OR2J2: variants seen among roughly 807,000 people sequenced by gnomAD.
The protein encoded by OR2J2 is olfactory receptor family 2 subfamily J member 2.
OR2J2 carries 13 observed loss-of-function variants against 16.9 expected under a neutral mutation model. That is an observed-to-expected ratio of 0.77 (90% confidence interval 0.50 to 1.23). The LOEUF is 1.23. OR2J2 is among the 50% of genes most tolerant of loss of function. The pLI, the probability that OR2J2 is intolerant of heterozygous loss-of-function variation, is 0.00. For missense variants in OR2J2, 341 were observed against 379.1 expected, an observed-to-expected ratio of 0.90 and a Z score of 0.84; for synonymous variants, 125 against 141.2, an observed-to-expected ratio of 0.89 and a Z score of 0.81.
At chr6:29,173,521 A>G in intron 1 of OR2J2, 98 bp from the exon 2 acceptor site, 3 of 737,224 alleles carry the variant, frequency 4.1e-6, no homozygotes, top group Non-Finnish European at 6.8e-6. Context: ...TATGGTGCAC[A>G]CTCTCTGGAA....
In OR2J2 at chr6:29,173,995, A is replaced by G. The variant is rs3129158; in HGVS notation, c.360A>G (p.Ser120=). The G allele has an allele frequency of 0.84, 1,347,799 of 1,611,742 alleles. 566,615 individuals carry two copies. The highest frequency in any genetic ancestry group is 0.85 in the Non-Finnish European group (1,005,275 of 1,179,522). The change falls in exon 2 of 2, where the codon TCA becomes TCG. Residue 120 remains serine, a synonymous_variant. Transcript: ENST00000641417. ...AGTGTGTCCTACTGGTGGTGATGTC[A>G]TATGATCGTTATGTAGCTGTGTGTA... ...ITECVLLVVM[S]YDRYVAVCRP...
chr6:29,171,051 G>A lies in OR2J2; in HGVS notation c.-72G>A, dbSNP rs763154055. The A allele has an allele frequency of 3.3e-5, 5 of 152,100 alleles. No homozygotes were observed. Among genetic ancestry groups the A allele is most frequent in the Non-Finnish European group, 5.9e-5 (4 of 68,022 alleles). 9.4% of individuals were successfully genotyped at this position (152,100 alleles called of 1,614,324 possible). A position where few individuals can be genotyped will look rare whatever the true frequency, so the allele number is the denominator to read the frequency against. ...AGAGCCCCTTCATCAGTTTATACCTGATGAGGTTGTAGGCCAGGTAGAGAG... is the reference window on the plus strand; with the variant it reads ...AGAGCCCCTTCATCAGTTTATACCTAATGAGGTTGTAGGCCAGGTAGAGAG... On this transcript the variant is annotated 5_prime_UTR_variant, in exon 1 of 2. Transcript: ENST00000641417.
Position 29,174,022 on chromosome 6 carries a change from A to T in OR2J2, c.387A>T (p.Arg129Ser). 1.2e-6 allele frequency: 2 copies of T among 1,612,034 alleles called. No homozygotes were observed. The highest frequency in any genetic ancestry group is 1.7e-6 in the Non-Finnish European group (2 of 1,179,452). ...ATGATCGTTATGTAGCTGTGTGTAG[A>T]CCTTTGCATTACACTGTCCTCATGC... ...MSYDRYVAVCRPLHYTVLMHP... is the reference protein window; with the variant it reads ...MSYDRYVAVCSPLHYTVLMHP... Residue 129 changes from arginine (R) to serine (S), a missense_variant, in exon 2 of 2, where the codon AGA (arginine) becomes AGT (serine). Transcript: ENST00000641417.
intron 1 of OR2J2, among the ~76,000 whole-genome samples, chr6:29,173,007 C>A (rs1384714948): frequency 6.6e-6 from 1 of 152,086 alleles, no homozygotes; most frequent in East Asian, 1.9e-4. Context: ...CTCTATTTTG[C>A]TGTATTAATC....
chr6:29,173,648 A>G lies in OR2J2; in HGVS notation c.13A>G (p.Lys5Glu), dbSNP rs1441455181. 6.3e-7 allele frequency: 1 copy of G among 1,598,920 alleles called. No homozygotes were observed. Among genetic ancestry groups the G allele is most frequent in the Non-Finnish European group, 8.5e-7 (1 of 1,174,262 alleles). Residue 5 changes from lysine (K) to glutamate (E), a missense_variant, in exon 2 of 2, where the codon AAA becomes GAA. Lys to Glu is a moderately conservative substitution (Grantham distance 56). Coordinates refer to ENST00000641417, the MANE Select transcript of OR2J2 (RefSeq NM_030905.3). MMIK[K>E]NASSEDFFIL... ...AAGAAAAAGATGAATGATGATTAAA[A>G]AAAATGCAAGTTCGGAAGACTTCTT...
rs189071939 is a variant in OR2J2 at position 29,171,621 on chromosome 6, G to A, written c.-18+516G>A. Among the ~76,000 whole-genome samples, 33 of 151,812 alleles carry A rather than the reference G, an allele frequency of 2.2e-4. 1 individual carries two copies. Among genetic ancestry groups the A allele is most frequent in the Admixed American group, 1.5e-3 (23 of 15,200 alleles). ...ATTTCCTATCCCTTTTATCAACTCC[G>A]GAGGAATGCTGAAAGATGGGTCATA... On this transcript the variant is annotated intron_variant, in intron 1 of 1. Transcript: ENST00000641417.
Position 29,173,788 on chromosome 6 carries a change from C to G in OR2J2, c.153C>G (p.Tyr51Ter). Residue 51 changes from tyrosine to a stop codon, truncating the protein, a stop_gained, in exon 2 of 2, where the codon TAC (tyrosine) becomes TAG (stop). Coordinates refer to ENST00000641417, the MANE Select transcript of OR2J2 (RefSeq NM_030905.3). LOFTEE classifies it high-confidence loss of function. The stretch of plus-strand genomic sequence containing the variant: ...ACCTGTTCATCATCATCCTGTCATA[C>G]GTGGACTCCCATCTCCACACACCAA... ...TGNLFIIILSYVDSHLHTPMY... is the reference protein window; with the variant it reads ...TGNLFIIILS 1 of 1,613,666 alleles carries G rather than the reference C, an allele frequency of 6.2e-7. No individual in the cohort carries two copies. Among genetic ancestry groups the G allele is most frequent in the Non-Finnish European group, 8.5e-7 (1 of 1,179,922 alleles).
rs1765643179 is a variant in OR2J2 at position 29,173,863 on chromosome 6, C to G, written c.228C>G (p.Thr76=). Residue 76 remains threonine, a synonymous_variant, in exon 2 of 2, where the codon ACC becomes ACG. Transcript: ENST00000641417. ...CATTTCTGGATCTCTGCTACACCAC[C>G]AGCTCTATCCCTCAGTTGCTGGTGA... The part of the protein sequence containing the change: ...NLSFLDLCYT[T]SSIPQLLVNL... 1 of 1,612,526 alleles carries G rather than the reference C, an allele frequency of 6.2e-7. No individual in the cohort carries two copies. The highest frequency in any genetic ancestry group is 8.5e-7 in the Non-Finnish European group (1 of 1,179,628).
chr6:29,172,099 C>T (rs1765522963), intron 1 of OR2J2, among the ~76,000 whole-genome samples: 1 of 152,108 alleles, frequency 6.6e-6, no homozygotes, highest in African/African-American at 2.4e-5. Context: ...GTCACCCAGG[C>T]TGGAGGGCAA....
intron 1 of OR2J2, among the ~76,000 whole-genome samples, chr6:29,171,528 T>C (rs1230233724): frequency 1.3e-5 from 2 of 152,070 alleles, no homozygotes; most frequent in Admixed American, 6.6e-5. Context: ...TTTCCCTCTT[T>C]TCCACCAAGA....
At position 29,173,908 on chromosome 6, in the gene OR2J2, G is replaced by A. The variant is rs772924943; in HGVS notation, c.273G>A (p.Lys91=). Residue 91 remains lysine, a synonymous_variant, in exon 2 of 2, where the codon AAG becomes AAA. Transcript: ENST00000641417. ...QLLVNLRGPE[K]TISYAGCMVQ... ...TGGTGAATCTCCGGGGCCCGGAAAA[G>A]ACCATCTCGTATGCTGGTTGCATGG... 4.3e-6 allele frequency: 7 copies of A among 1,611,866 alleles called. No individual in the cohort carries two copies. Among genetic ancestry groups the A allele is most frequent in the African/African-American group, 1.3e-5 (1 of 74,216 alleles).
In OR2J2 at chr6:29,174,693, TTCAGTCTCACA is replaced by T. The variant is rs1381597710; in HGVS notation, c.*121_*131del. ...TCTAACAGCTCACAAAACAGAATAG[TTCAGTCTCACA>T]TTTGTTGCTCTTTTTATTATTTAGT... On this transcript the variant is annotated 3_prime_UTR_variant, in exon 2 of 2. Transcript: ENST00000641417. 3 of 722,812 alleles carry T rather than the reference TTCAGTCTCACA, an allele frequency of 4.2e-6. No individual in the cohort carries two copies. The African/African-American group carries it at 5.4e-5, about 13-fold the overall frequency. The allele number at this position is 722,812 out of a possible 1,614,324, so 44.8% of individuals were successfully genotyped here.
Position 29,174,848 on chromosome 6 carries a change from C to A in OR2J2, c.*274C>A. ...GTTTCAACGTAAATAAATGTGCATG[C>A]GAATAGTTATGAGGAGATTATTTCA... On this transcript the variant is annotated 3_prime_UTR_variant, in exon 2 of 2. Coordinates refer to ENST00000641417, the MANE Select transcript of OR2J2 (RefSeq NM_030905.3). 2.6e-6 allele frequency: 1 copy of A among 386,020 alleles called. No homozygotes were observed. 23.9% of individuals were successfully genotyped at this position (386,020 alleles called of 1,614,324 possible).
At chr6:29,173,485 G>C (rs780725104) in intron 1 of OR2J2, 134 bp from the exon 2 acceptor site, 1 of 594,700 alleles carries the variant, frequency 1.7e-6, no homozygotes, top group South Asian at 2.4e-5. Flanking sequence ...CATATAAAGG[G>C]AACTGTATAA....
rs748229536 is a variant in OR2J2 at position 29,174,147 on chromosome 6, G to A, written c.512G>A (p.Gly171Glu). Residue 171 changes from glycine to glutamate, a missense_variant, in exon 2 of 2, where the codon GGA becomes GAA. Coordinates refer to ENST00000641417, the MANE Select transcript of OR2J2 (RefSeq NM_030905.3). ...TTTACTTTCTGGGTACCCCTTTGTGGACATCGCCTAGTGGATCACTTCTTC... is the reference window on the plus strand; with the variant it reads ...TTTACTTTCTGGGTACCCCTTTGTGAACATCGCCTAGTGGATCACTTCTTC... ...SSFTFWVPLC[G>E]HRLVDHFFCE... The A allele has an allele frequency of 6.2e-7, 1 of 1,613,396 alleles. No individual in the cohort carries two copies. Among genetic ancestry groups the A allele is most frequent in the South Asian group, 1.1e-5 (1 of 91,020 alleles).
rs769444526 is a variant in OR2J2, at chr6:29,174,152, C to T, written c.517C>T (p.Arg173Cys). The T allele has an allele frequency of 1.2e-5, 19 of 1,613,606 alleles. No individual in the cohort carries two copies. Among genetic ancestry groups the T allele is most frequent in the Admixed American group, 5.0e-5 (3 of 59,906 alleles). ...TTTCTGGGTACCCCTTTGTGGACAT[C>T]GCCTAGTGGATCACTTCTTCTGTGA... ...FTFWVPLCGH[R>C]LVDHFFCEVP... The change falls in exon 2 of 2, where the codon CGC becomes TGC. Residue 173 changes from arginine to cysteine, a missense_variant. Physicochemically the swap from Arg to Cys is radical, Grantham distance 180 (BLOSUM62 -3). Coordinates refer to ENST00000641417, the MANE Select transcript of OR2J2 (RefSeq NM_030905.3).
Position 29,173,656 on chromosome 6 carries a change from A to G in OR2J2, c.21A>G (p.Ala7=), listed in dbSNP as rs1192764204. The change falls in exon 2 of 2, where the codon GCA becomes GCG. Residue 7 remains alanine (A), a synonymous_variant. Transcript: ENST00000641417. ...GATGAATGATGATTAAAAAAAATGC[A>G]AGTTCGGAAGACTTCTTTATTCTAC... is the stretch of plus-strand genomic sequence containing the variant. MMIKKN[A]SSEDFFILLG... 3 of 1,599,692 alleles carry G rather than the reference A, an allele frequency of 1.9e-6. No individual in the cohort carries two copies. Among genetic ancestry groups the G allele is most frequent in the South Asian group, 2.3e-5 (2 of 88,496 alleles).
rs3116855 is a variant in OR2J2 at position 29,173,855 on chromosome 6, T to A, written c.220T>A (p.Tyr74Asn). ...LSNLSFLDLCYTTSSIPQLLV... is the reference protein window; with the variant it reads ...LSNLSFLDLCNTTSSIPQLLV... Reference sequence around the variant, plus strand: ...AAACCTCTCATTTCTGGATCTCTGCTACACCACCAGCTCTATCCCTCAGTT... The same window carrying A: ...AAACCTCTCATTTCTGGATCTCTGCAACACCACCAGCTCTATCCCTCAGTT... The change falls in exon 2 of 2, where the codon TAC becomes AAC. Residue 74 changes from tyrosine to asparagine, a missense_variant. Physicochemically the swap from Tyr to Asn is moderately radical, Grantham distance 143 (BLOSUM62 -2). Transcript: ENST00000641417. The A allele has an allele frequency of 6.2e-7, 1 of 1,611,504 alleles. No individual in the cohort carries two copies. Among genetic ancestry groups the A allele is most frequent in the Non-Finnish European group, 8.5e-7 (1 of 1,179,344 alleles).
rs1765795642 is a variant in OR2J2, at chr6:29,175,335, G to C, written c.*761G>C. 2.6e-5 allele frequency: 4 copies of C among 152,106 alleles called. No individual in the cohort carries two copies. In the South Asian group the frequency reaches 8.3e-4, roughly 32 times the overall value. 9.4% of individuals were successfully genotyped at this position (152,106 alleles called of 1,614,324 possible). On this transcript the variant is annotated 3_prime_UTR_variant, in exon 2 of 2. Transcript: ENST00000641417. ...CTGAACAGAACACACTCTCTGTCAGGAAAAATGGCAACATAAAAGATGAAG... is the reference window on the plus strand; with the variant it reads ...CTGAACAGAACACACTCTCTGTCAGCAAAAATGGCAACATAAAAGATGAAG...
Sources: allele counts gnomAD v4.1 joint callset (sites outside exome capture counted in the v4.1 genomes callset), GRCh38; gene constraint gnomAD v4.1.1; transcripts MANE v1.5; gene names NCBI Gene and HGNC (gene_info 2026-07-23, HGNC 2026-07-21).